Variants in ANK3 observed in about 807,000 individuals in gnomAD.
The protein encoded by ANK3 is ankyrin-3.
ANK3 carries 57 observed loss-of-function variants against 370.9 expected under a neutral mutation model. The observed-to-expected ratio is 0.15, with a 90% confidence interval of 0.12 to 0.19. The LOEUF (loss-of-function observed/expected upper bound fraction) is 0.19. Ranked by LOEUF, ANK3 falls within the 10% of genes least tolerant of loss-of-function variation. ANK3 has a pLI of 1.00. For missense variants in ANK3, 4,439 were observed against 5,302.1 expected, an observed-to-expected ratio of 0.84 and a Z score of 5.06; for synonymous variants, 1,929 against 1,946.3, an observed-to-expected ratio of 0.99 and a Z score of 0.23.
intron 25 of ANK3, among the ~76,000 whole-genome samples, chr10:60,119,117 T>C (rs1020081696): frequency 6.6e-6 from 1 of 152,246 alleles, no homozygotes; most frequent in Non-Finnish European, 1.5e-5. Context: ...GGTACCTTAG[T>C]GCTTTCTCTT....
intron 1 of ANK3, among the ~76,000 whole-genome samples, chr10:60,291,960 C>T (rs7095685): frequency 0.028 from 4,220 of 152,226 alleles, 199 homozygotes; most frequent in African/African-American, 0.097. Context: ...GTAATCCACC[C>T]ATCTTGGCCT....
At chr10:60,245,569 T>C (rs112388949) in intron 7 of ANK3, among the ~76,000 whole-genome samples, 130 of 152,342 alleles carry the variant, frequency 8.5e-4, no homozygotes, top group African/African-American at 3.1e-3. Context: ...TTGCCTATTC[T>C]AGATCTTTCA....
rs372175079 is a variant in ANK3, at chr10:60,069,195, C to T, written c.11686G>A (p.Glu3896Lys). The T allele has an allele frequency of 3.1e-6, 5 of 1,614,066 alleles. No homozygotes were observed. The highest frequency in any genetic ancestry group is 1.1e-5 in the South Asian group (1 of 91,070). The change falls in exon 37 of 44, where the codon GAG becomes AAG. Residue 3896 changes from glutamate (E) to lysine (K), a missense_variant. Physicochemically the swap from Glu to Lys is moderately conservative, Grantham distance 56 (BLOSUM62 1). Coordinates refer to ENST00000280772, the MANE Select transcript of ANK3 (RefSeq NM_020987.5). ...GAAGTAGTAAGGGCTTTGGTTTTCT[C>T]GGATTGACTAACCTGCTTCATTTTA... ...ASKMKQVSQS[E>K]KTKALTTSSC...
intron 1 of ANK3, among the ~76,000 whole-genome samples, chr10:60,333,748 T>C (rs2052056767): frequency 6.6e-6 from 1 of 152,200 alleles, no homozygotes. Flanking sequence ...GTTGAACTAA[T>C]TTACACTCCC....
intron 1 of ANK3, among the ~76,000 whole-genome samples, chr10:60,659,021 C>T (rs564714141): frequency 5.8e-4 from 88 of 151,952 alleles, no homozygotes; most frequent in African/African-American, 2.0e-3. Flanking sequence ...CTAAATAGTT[C>T]GAAATCTGTA....
chr10:60,168,870 G>A (rs1256508070), intron 21 of ANK3, among the ~76,000 whole-genome samples: 1 of 152,168 alleles, frequency 6.6e-6, no homozygotes, highest in African/African-American at 2.4e-5. Context: ...CAAAGGACAT[G>A]ATATCATTCC....
chr10:60,446,183 G>A lies in ANK3; in HGVS notation c.97-166544C>T, dbSNP rs10994354. On this transcript the variant is annotated intron_variant, in intron 2 of 43. Transcript: ENST00000373827. ...GGAGGATTTTGTCTTTCTCAACCAC[G>A]AAGAGGTATATTTTAAAGAGCAATT... Among the ~76,000 whole-genome samples the A allele has an allele frequency of 2.7e-3, 411 of 152,188 alleles. 3 individuals are homozygous for A. The highest frequency in any genetic ancestry group is 9.1e-3 in the African/African-American group (377 of 41,532).
intron 25 of ANK3, among the ~76,000 whole-genome samples, chr10:60,125,507 C>G (rs1009127938): frequency 6.6e-6 from 1 of 152,194 alleles, no homozygotes; most frequent in African/African-American, 2.4e-5. Context: ...AGAGAGAAAG[C>G]AGCATATTAA....
intron 1 of ANK3, among the ~76,000 whole-genome samples, chr10:60,297,466 T>C (rs1157849795): frequency 6.6e-6 from 1 of 152,156 alleles, no homozygotes; most frequent in Non-Finnish European, 1.5e-5. Flanking sequence ...TATGTTATAT[T>C]ATCTAATTAT....
intron 23 of ANK3, among the ~76,000 whole-genome samples, chr10:60,141,588 C>CTTTTTTTT (rs1266607487): frequency 3.6e-4 from 9 of 24,872 alleles, no homozygotes; most frequent in African/African-American, 9.1e-4. Context: ...TTTTTTTTTG[C>CTTTTTTTT]TTCCCTCCAG....
At chr10:60,044,649 G>C (rs545929184) in intron 42 of ANK3, 3 of 152,258 alleles carry the variant, frequency 2.0e-5, no homozygotes, top group African/African-American at 7.2e-5. Flanking sequence ...TTCATATGTT[G>C]AGACAAATTT....
At chr10:60,101,498 A>G (rs1250466760) in intron 28 of ANK3, among the ~76,000 whole-genome samples, 1 of 151,656 alleles carries the variant, frequency 6.6e-6, no homozygotes, top group African/African-American at 2.4e-5. Flanking sequence ...GGTGGGGGGA[A>G]TGAATGTTTG....
chr10:60,155,775 T>G (rs759595870), intron 23 of ANK3, among the ~76,000 whole-genome samples: 3 of 152,188 alleles, frequency 2.0e-5, no homozygotes, highest in Non-Finnish European at 4.4e-5. Flanking sequence ...TGGCTGAGTC[T>G]TCTGGCCTCC....
At chr10:60,554,227 C>T (rs2133237457) in intron 2 of ANK3, among the ~76,000 whole-genome samples, 1 of 152,204 alleles carries the variant, frequency 6.6e-6, no homozygotes, top group Admixed American at 6.5e-5. Flanking sequence ...ATGTATTACC[C>T]TTTTCAAACC....
In ANK3 at chr10:60,539,353, T is replaced by C. The variant is rs1426011997; in HGVS notation, c.96+75833A>G. Among the ~76,000 whole-genome samples the C allele has an allele frequency of 2.6e-5, 4 of 151,942 alleles. No individual in the cohort carries two copies. The East Asian group carries it at 7.7e-4, about 29-fold the overall frequency. On this transcript the variant is annotated intron_variant, in intron 2 of 43. Transcript: ENST00000373827. ...TTATGAAGAAATAGCACTTTTGAGT[T>C]GGAACTAAAAGTTCCTTGTCAACTG...
intron 23 of ANK3, among the ~76,000 whole-genome samples, chr10:60,157,505 A>G (rs1187444513): frequency 6.6e-6 from 1 of 151,724 alleles, no homozygotes; most frequent in Non-Finnish European, 1.5e-5. Flanking sequence ...CAGCTAATTT[A>G]TTTTTATTTT....
chr10:60,524,177 C>T (rs1315155005), intron 2 of ANK3, among the ~76,000 whole-genome samples: 1 of 152,106 alleles, frequency 6.6e-6, no homozygotes, highest in Non-Finnish European at 1.5e-5. Context: ...TAATAAGAAT[C>T]TCCTGGACTA....
intron 4 of ANK3, among the ~76,000 whole-genome samples, chr10:60,272,089 TTGTGTGTGTG>T (rs5785433): frequency 0.28 from 40,575 of 145,642 alleles, 6,376 homozygotes; most frequent in African/African-American, 0.44. Flanking sequence ...ACTGTGGGAT[TTGTGTGTGTG>T]TGTGTGTGTG....
chr10:60,240,127 T>C (rs1565914729), intron 7 of ANK3, among the ~76,000 whole-genome samples: 1 of 94,920 alleles, frequency 1.1e-5, no homozygotes, highest in African/African-American at 3.9e-5. Context: ...TACACACATA[T>C]ATATACATAT....
Sources: gnomAD v4.1 joint callset for allele counts (sites outside exome capture counted in the v4.1 genomes callset) on GRCh38, gnomAD v4.1.1 for gene constraint, MANE v1.5 for transcripts, NCBI Gene and HGNC (gene_info 2026-07-23, HGNC 2026-07-21) for gene names.